The following RBM19 variants were observed in gnomAD, a reference collection of about 807,000 sequenced individuals.
The protein encoded by RBM19 is RNA binding motif protein 19, also known as probable RNA-binding protein 19.
In RBM19, 94 loss-of-function variants were observed where a neutral mutation model predicts 116.8. The observed-to-expected ratio is 0.80, with a 90% CI of 0.68 to 0.95. RBM19 has a LOEUF of 0.95. Among genes scored for constraint, RBM19 ranks in the 40% least tolerant of loss-of-function variants. The probability of loss-of-function intolerance (pLI) is 0.00; values close to 1 mark genes in which losing one functional copy is unlikely to be tolerated. For missense variants in RBM19, 1,161 were observed against 1,220.7 expected (o/e 0.95, Z 0.73); for synonymous variants, 475 against 494.1 (o/e 0.96, Z 0.51).
intron 22 of RBM19, among the ~76,000 whole-genome samples, chr12:113,857,522 C>T (rs1878000558): frequency 6.6e-6 from 1 of 152,262 alleles, no homozygotes; most frequent in African/African-American, 2.4e-5. Flanking sequence ...CACGTGCCTG[C>T]CCCGCTGTGA....
In RBM19 at chr12:113,962,260, T is replaced by A. The variant is rs199537906; in HGVS notation, c.191A>T (p.Lys64Met). 6.2e-7 allele frequency: 1 copy of A among 1,614,276 alleles called. No individual in the cohort carries two copies. The highest frequency in any genetic ancestry group is 2.2e-5 in the East Asian group (1 of 44,892). ...GATCCGGGATGTGTCGATGAAGCTC[T>A]TGTTGAAATGCTTCTGTGCCTTCTG... is the stretch of plus-strand genomic sequence containing the variant. ...EAQKAQKHFN[K>M]SFIDTSRITV... The change falls in exon 2 of 24, where the codon AAG (lysine) becomes ATG (methionine). Residue 64 changes from lysine to methionine, a missense_variant. Physicochemically the swap from Lys to Met is moderately conservative, Grantham distance 95. Coordinates refer to ENST00000261741, the MANE Select transcript of RBM19 (RefSeq NM_016196.4).
chr12:113,937,566 AC>A (rs869119098), intron 15 of RBM19, among the ~76,000 whole-genome samples: 1 of 140,010 alleles, frequency 7.1e-6, no homozygotes. Context: ...TCCACGGGCA[AC>A]ACCTGTATAC....
At chr12:113,881,923 A>G (rs1010830083) in intron 21 of RBM19, among the ~76,000 whole-genome samples, 1 of 152,240 alleles carries the variant, frequency 6.6e-6, no homozygotes, top group Non-Finnish European at 1.5e-5. Context: ...GACGACCCAC[A>G]TGCCCTCCAC....
chr12:113,957,591 A>T (rs1259992998), intron 6 of RBM19, among the ~76,000 whole-genome samples, 191 bp downstream of exon 6: 2 of 152,138 alleles, frequency 1.3e-5, no homozygotes, highest in Non-Finnish European at 2.9e-5. Context: ...AATAAAATAA[A>T]AATAAAAACA....
At chr12:113,884,116 A>AG in intron 21 of RBM19, among the ~76,000 whole-genome samples, 1 of 145,978 alleles carries the variant, frequency 6.9e-6, no homozygotes, top group Non-Finnish European at 1.5e-5. Context: ...CTCTACCAAA[A>AG]AAAAAAAAAA....
chr12:113,947,222 TAGGCCCACAAA>T, intron 11 of RBM19, 101 bp downstream of exon 11: 1 of 1,345,778 alleles, frequency 7.4e-7, no homozygotes, highest in Non-Finnish European at 9.9e-7. Flanking sequence ...CACATTTTCT[TAGGCCCACAAA>T]GTGGACGCCC....
intron 21 of RBM19, among the ~76,000 whole-genome samples, chr12:113,883,249 T>G (rs980313422): frequency 6.6e-6 from 1 of 152,226 alleles, no homozygotes; most frequent in African/African-American, 2.4e-5. Context: ...AACAGACTGA[T>G]TGCAGGTGGT....
chr12:113,945,752 G>A, intron 13 of RBM19, 76 bp downstream of exon 13: 2 of 1,274,218 alleles, frequency 1.6e-6, no homozygotes, highest in Non-Finnish European at 2.2e-6. Flanking sequence ...GCCAACAGCA[G>A]TACAACGAGC....
At chr12:113,942,877 C>T (rs1441885602) in intron 13 of RBM19, among the ~76,000 whole-genome samples, 1 of 152,204 alleles carries the variant, frequency 6.6e-6, no homozygotes, top group African/African-American at 2.4e-5. Context: ...TCCCAAAGTG[C>T]CAGGATTACA....
In RBM19 at chr12:113,957,568, A is replaced by AAAAATAAAATAAAAT. The variant is rs373537959; in HGVS notation, c.840+199_840+213dup. On this transcript the variant is annotated intron_variant, in intron 6 of 23. Coordinates refer to ENST00000261741, the MANE Select transcript of RBM19 (RefSeq NM_016196.4). Reference sequence around the variant, plus strand: ...GGTGACAGAGTGAGACTCTGTCTCAAAAAATAAAATAAAATAAAATAAAAA... The same window carrying AAAAATAAAATAAAAT: ...GGTGACAGAGTGAGACTCTGTCTCAAAAAATAAAATAAAATAAAATAAAATAAAATAAAATAAAAA... Among the ~76,000 whole-genome samples the AAAAATAAAATAAAAT allele has an allele frequency of 3.1e-4, 47 of 151,696 alleles. No homozygotes were observed. The East Asian group carries it at 4.3e-3, about 14-fold the overall frequency.
At chr12:113,824,578 A>C (rs1162856403) in intron 23 of RBM19, among the ~76,000 whole-genome samples, 1 of 152,038 alleles carries the variant, frequency 6.6e-6, no homozygotes, top group Non-Finnish European at 1.5e-5. Flanking sequence ...AACCACCCTG[A>C]GGCCCTTTAC....
intron 19 of RBM19, among the ~76,000 whole-genome samples, chr12:113,919,562 C>A (rs958315754): frequency 3.3e-5 from 5 of 152,184 alleles, no homozygotes; most frequent in Non-Finnish European, 7.4e-5. Flanking sequence ...CAGAGTGAGA[C>A]TCCGTCTCAA....
At chr12:113,852,958 C>T (rs1256239754) in intron 22 of RBM19, among the ~76,000 whole-genome samples, 1 of 152,200 alleles carries the variant, frequency 6.6e-6, no homozygotes, top group African/African-American at 2.4e-5. Flanking sequence ...GTGCTGGGTG[C>T]GCTGGGCACC....
rs1874469234 is a variant in RBM19, at chr12:113,822,240, T to G, written c.*984A>C. On this transcript the variant is annotated 3_prime_UTR_variant, in exon 24 of 24. Transcript: ENST00000261741. ...TGTCTAGATTCAGACTGCAGTGAGA[T>G]GCAGTGCAGTTCTTGCTCTGCCCTC... The G allele has an allele frequency of 6.6e-6, 1 of 152,258 alleles. No individual in the cohort carries two copies. The highest frequency in any genetic ancestry group is 1.5e-5 in the Non-Finnish European group (1 of 68,048). The allele number at this position is 152,258 out of a possible 1,614,324, so 9.4% of individuals were successfully genotyped here. A position where few individuals can be genotyped will look rare whatever the true frequency, so the allele number is the denominator to read the frequency against.
chr12:113,890,280 G>A (rs1382466396), intron 21 of RBM19, among the ~76,000 whole-genome samples: 1 of 152,148 alleles, frequency 6.6e-6, no homozygotes, highest in Non-Finnish European at 1.5e-5. Flanking sequence ...GTGAGTGGCC[G>A]GGGTGTTTTC....
At chr12:113,897,587 G>A (rs1057177066) in intron 21 of RBM19, among the ~76,000 whole-genome samples, 1 of 150,034 alleles carries the variant, frequency 6.7e-6, no homozygotes, top group African/African-American at 2.5e-5. Context: ...TGAGGTGGGA[G>A]GATCACTTGA....
intron 16 of RBM19, among the ~76,000 whole-genome samples, chr12:113,934,254 C>G (rs936154110): frequency 6.6e-6 from 1 of 152,206 alleles, no homozygotes; most frequent in Non-Finnish European, 1.5e-5. Context: ...CCAACAGCAG[C>G]GGAAGACTGG....
chr12:113,837,246 TAC>T lies in RBM19; in HGVS notation c.2785+7420_2785+7421del, dbSNP rs34948952. Among the ~76,000 whole-genome samples the T allele has an allele frequency of 6.7e-3, 845 of 126,868 alleles. 11 individuals are homozygous for T. Among genetic ancestry groups the T allele is most frequent in the African/African-American group, 0.02 (628 of 32,146 alleles). The allele number at this position is 126,868 out of a possible 152,430, so 83.2% of individuals were successfully genotyped here. A position where few individuals can be genotyped will look rare whatever the true frequency, so the allele number is the denominator to read the frequency against. ...CCAGGCTTATAACCCATCCTCCTAA[TAC>T]ACACACACACACACACACACACACA... On this transcript the variant is annotated intron_variant, in intron 23 of 23. Transcript: ENST00000261741.
chr12:113,940,654 A>G (rs1870496724), intron 14 of RBM19, among the ~76,000 whole-genome samples: 2 of 152,332 alleles, frequency 1.3e-5, no homozygotes, highest in East Asian at 3.9e-4. Flanking sequence ...TCCCCTAGGC[A>G]GAGCTCCAGG....
Sources: gnomAD v4.1 joint callset for allele counts (sites outside exome capture counted in the v4.1 genomes callset) on GRCh38, gnomAD v4.1.1 for gene constraint, MANE v1.5 for transcripts, NCBI Gene and HGNC (gene_info 2026-07-23, HGNC 2026-07-21) for gene names.